MLLT3: variants seen among roughly 807,000 people sequenced by gnomAD.
MLLT3 encodes the protein protein AF-9.
MLLT3 carries 4 observed loss-of-function variants against 53.2 expected under a neutral mutation model. The observed-to-expected ratio is 0.08, with a 90% CI of 0.04 to 0.17. The LOEUF is 0.17. Among genes scored for constraint, MLLT3 ranks in the 10% least tolerant of loss-of-function variants. The probability of loss-of-function intolerance (pLI) is 1.00; values close to 1 mark genes in which losing one functional copy is unlikely to be tolerated. For missense variants in MLLT3, 569 were observed against 684.0 expected, an observed-to-expected ratio of 0.83 and a Z score of 1.87; for synonymous variants, 283 against 230.6, an observed-to-expected ratio of 1.23 and a Z score of -2.06.
At chr9:20,614,360 C>T (rs1416387473) in intron 2 of MLLT3, among the ~76,000 whole-genome samples, 2 of 150,716 alleles carry the variant, frequency 1.3e-5, no homozygotes, top group Admixed American at 1.3e-4. Flanking sequence ...TGCCACTGCA[C>T]TCCAGCCTGG....
chr9:20,544,420 G>C (rs1027057174), intron 2 of MLLT3, among the ~76,000 whole-genome samples: 46 of 152,134 alleles, frequency 3.0e-4, no homozygotes, highest in African/African-American at 1.0e-3. Context: ...ATAAGAGGTT[G>C]AACAGGACTT....
chr9:20,553,133 T>C (rs1020742684), intron 2 of MLLT3, among the ~76,000 whole-genome samples: 2 of 152,194 alleles, frequency 1.3e-5, no homozygotes, highest in African/African-American at 4.8e-5. Flanking sequence ...CTTATTTTTC[T>C]AAAGTATTAA....
intron 2 of MLLT3, among the ~76,000 whole-genome samples, chr9:20,477,185 T>C (rs558018315): frequency 2.0e-5 from 3 of 152,290 alleles, no homozygotes; most frequent in South Asian, 2.1e-4. Flanking sequence ...TCCTTTCTTA[T>C]TAAATTCTTC....
At chr9:20,520,343 C>A (rs759854223) in intron 2 of MLLT3, among the ~76,000 whole-genome samples, 3 of 151,424 alleles carry the variant, frequency 2.0e-5, no homozygotes, top group African/African-American at 7.3e-5. Flanking sequence ...GACCCCTGAA[C>A]TTAAAAGTCA....
chr9:20,622,340 C>A lies in MLLT3; in HGVS notation c.-84G>T. 1 of 1,275,592 alleles carries A rather than the reference C, an allele frequency of 7.8e-7. No homozygotes were observed. Among genetic ancestry groups the A allele is most frequent in the Non-Finnish European group, 1.1e-6 (1 of 935,740 alleles). 79.0% of individuals were successfully genotyped at this position (1,275,592 alleles called of 1,614,324 possible). ...CCCTCAGCTGTAATTCATGAAGAGG[C>A]TGCTATGAATGAGAGCGCGCCCAGG... On this transcript the variant is annotated 5_prime_UTR_variant, in exon 1 of 11. Coordinates refer to ENST00000380338, the MANE Select transcript of MLLT3 (RefSeq NM_004529.4).
intron 2 of MLLT3, among the ~76,000 whole-genome samples, chr9:20,478,991 A>C (rs1346055297): frequency 6.6e-6 from 1 of 152,144 alleles, no homozygotes; most frequent in Non-Finnish European, 1.5e-5. Flanking sequence ...ATTGACAGGA[A>C]CTGATGACAG....
chr9:20,483,216 A>G (rs929234685), intron 2 of MLLT3, among the ~76,000 whole-genome samples: 3 of 143,104 alleles, frequency 2.1e-5, no homozygotes, highest in Non-Finnish European at 4.5e-5. Context: ...TATTCATTAT[A>G]TTACTACAAA....
intron 2 of MLLT3, among the ~76,000 whole-genome samples, chr9:20,506,850 G>A (rs762869977): frequency 6.6e-6 from 1 of 152,176 alleles, no homozygotes; most frequent in Non-Finnish European, 1.5e-5. Context: ...GAAGCTGTTA[G>A]AACTGCATGT....
At chr9:20,462,288 A>ATTTTGT (rs1278519069) in intron 2 of MLLT3, among the ~76,000 whole-genome samples, 2 of 152,216 alleles carry the variant, frequency 1.3e-5, no homozygotes, top group Non-Finnish European at 2.9e-5. Context: ...AATTTTAAAA[A>ATTTTGT]GTTTTCCCTC....
rs142985046 is a variant in MLLT3, at chr9:20,481,444, C to G, written c.194-24658G>C. Reference sequence around the variant, plus strand: ...ACAATTATCTGATATGCAGTTGGCGCTCCATATCGCAAGTCCCACACCCCA... The same window carrying G: ...ACAATTATCTGATATGCAGTTGGCGGTCCATATCGCAAGTCCCACACCCCA... On this transcript the variant is annotated intron_variant, in intron 2 of 10. Coordinates refer to ENST00000380338, the MANE Select transcript of MLLT3 (RefSeq NM_004529.4). 1.9e-3 allele frequency among the ~76,000 whole-genome samples: 282 copies of G among 152,298 alleles called. 1 individual carries two copies. The highest frequency in any genetic ancestry group is 6.4e-3 in the African/African-American group (268 of 41,552).
chr9:20,423,343 C>A (rs934918401), intron 4 of MLLT3, among the ~76,000 whole-genome samples: 1 of 152,100 alleles, frequency 6.6e-6, no homozygotes, highest in African/African-American at 2.4e-5. Flanking sequence ...AAAAGAACAT[C>A]ATCAAAAATA....
At chr9:20,406,363 A>G (rs1401708169) in intron 5 of MLLT3, among the ~76,000 whole-genome samples, 1 of 152,230 alleles carries the variant, frequency 6.6e-6, no homozygotes, top group Non-Finnish European at 1.5e-5. Flanking sequence ...CACCTCATGC[A>G]GTGACCGTAC....
chr9:20,556,972 AG>A (rs1204919514), intron 2 of MLLT3, among the ~76,000 whole-genome samples: 1 of 152,162 alleles, frequency 6.6e-6, no homozygotes, highest in Non-Finnish European at 1.5e-5. Flanking sequence ...AAGACCATGG[AG>A]CTATACCAGT....
At chr9:20,549,719 G>A (rs558039157) in intron 2 of MLLT3, among the ~76,000 whole-genome samples, 1 of 152,308 alleles carries the variant, frequency 6.6e-6, no homozygotes, top group Non-Finnish European at 1.5e-5. Context: ...TGGCTGGTCT[G>A]AGAATTATAA....
intron 2 of MLLT3, among the ~76,000 whole-genome samples, chr9:20,561,569 G>A (rs1819212623): frequency 6.6e-6 from 1 of 152,042 alleles, no homozygotes; most frequent in Non-Finnish European, 1.5e-5. Flanking sequence ...CCTTTCCAAA[G>A]TTGTCTTTAA....
At chr9:20,502,096 G>A (rs1202267386) in intron 2 of MLLT3, among the ~76,000 whole-genome samples, 2 of 125,016 alleles carry the variant, frequency 1.6e-5, no homozygotes, top group East Asian at 2.4e-4. Context: ...AAAAAAAAGG[G>A]GGGGGGGGGG....
intron 4 of MLLT3, chr9:20,418,189 T>TATG (rs1397038633): frequency 6.6e-6 from 1 of 152,146 alleles, no homozygotes; most frequent in African/African-American, 2.4e-5. Context: ...GTCCAAGAGG[T>TATG]TATGCATATG....
intron 4 of MLLT3, among the ~76,000 whole-genome samples, chr9:20,438,891 G>T (rs1362536528): frequency 6.6e-6 from 1 of 151,986 alleles, no homozygotes; most frequent in Admixed American, 6.6e-5. Context: ...GTAGTTGATT[G>T]GACCAGTTTG....
At chr9:20,588,488 T>C (rs1386326452) in intron 2 of MLLT3, among the ~76,000 whole-genome samples, 5 of 152,220 alleles carry the variant, frequency 3.3e-5, no homozygotes, top group Non-Finnish European at 7.3e-5. Context: ...GGAACGTTCT[T>C]CGATTTGTTT....
Sources: allele counts gnomAD v4.1 joint callset (sites outside exome capture counted in the v4.1 genomes callset), GRCh38; gene constraint gnomAD v4.1.1; transcripts MANE v1.5; gene names NCBI Gene and HGNC (gene_info 2026-07-23, HGNC 2026-07-21).